Variants in MYBL1 observed in about 807,000 individuals in gnomAD.
MYBL1 encodes the protein MYB proto-oncogene like 1.
In MYBL1, 17 loss-of-function variants were observed where a neutral mutation model predicts 96.3. The ratio of observed to expected loss-of-function variants is 0.18; its 90% confidence interval spans 0.12 to 0.26. The LOEUF (loss-of-function observed/expected upper bound fraction) is 0.26, where lower values mean the gene tolerates loss of function less well. MYBL1 is among the 10% of genes least tolerant of loss of function. The pLI is 1.00. For synonymous variants in MYBL1, 282 were observed against 292.7 expected (o/e 0.96, Z 0.37); for missense variants, 701 against 882.9 (o/e 0.79, Z 2.61).
chr8:66,574,803 C>G (rs572419120), intron 10 of MYBL1, among the ~76,000 whole-genome samples: 2 of 152,218 alleles, frequency 1.3e-5, no homozygotes, highest in Non-Finnish European at 2.9e-5. Flanking sequence ...GCCTGTAATC[C>G]CAGCACTTTG....
chr8:66,611,645 C>T (rs560782020), intron 1 of MYBL1, among the ~76,000 whole-genome samples: 2 of 152,338 alleles, frequency 1.3e-5, no homozygotes, highest in South Asian at 4.1e-4. Context: ...TCTGTGTACA[C>T]ATTTATTTCA....
At position 66,582,928 on chromosome 8, in the gene MYBL1, G is replaced by C. The variant is rs564202791; in HGVS notation, c.868-2562C>G. Among the ~76,000 whole-genome samples the C allele has an allele frequency of 2.0e-5, 3 of 152,154 alleles. No individual in the cohort carries two copies. In the East Asian group the frequency reaches 5.8e-4, roughly 29 times the overall value. ...ACTTCAACACCCCATTCTCAGCAAT[G>C]AAAGATCATCTAGACAGAAAAATCA... On this transcript the variant is annotated intron_variant, in intron 8 of 15. Transcript: ENST00000522677.
At chr8:66,590,032 C>T (rs1809575754) in intron 8 of MYBL1, among the ~76,000 whole-genome samples, 1 of 152,082 alleles carries the variant, frequency 6.6e-6, no homozygotes, top group Admixed American at 6.5e-5. Context: ...CATGATCGTA[C>T]CACTGCACTC....
intron 9 of MYBL1, among the ~76,000 whole-genome samples, chr8:66,578,483 C>A (rs1367960224): frequency 6.6e-6 from 1 of 152,154 alleles, no homozygotes; most frequent in Non-Finnish European, 1.5e-5. Flanking sequence ...TGAAAAAATG[C>A]TCATCATCAC....
intron 6 of MYBL1, among the ~76,000 whole-genome samples, chr8:66,594,201 G>A (rs1459161480): frequency 6.6e-6 from 1 of 151,766 alleles, no homozygotes; most frequent in African/African-American, 2.4e-5. Flanking sequence ...TTCCGTAATG[G>A]TCTACCTAAA....
intron 11 of MYBL1, 46 bp downstream of exon 11, chr8:66,573,318 C>T (rs752613963): frequency 1.3e-6 from 2 of 1,530,178 alleles, no homozygotes; most frequent in Admixed American, 2.0e-5. Flanking sequence ...TACTTTAACA[C>T]TGTGCTCCCC....
intron 10 of MYBL1, among the ~76,000 whole-genome samples, chr8:66,574,911 G>A (rs946814960): frequency 5.9e-5 from 9 of 152,148 alleles, no homozygotes; most frequent in Non-Finnish European, 7.3e-5. Context: ...AAAATTAGCC[G>A]GGCGTGGTGG....
chr8:66,607,804 T>C (rs531936023), intron 1 of MYBL1, among the ~76,000 whole-genome samples: 21 of 152,250 alleles, frequency 1.4e-4, no homozygotes, highest in African/African-American at 4.6e-4. Context: ...TGAAGGTATC[T>C]ACTGTACTGT....
intron 9 of MYBL1, among the ~76,000 whole-genome samples, chr8:66,577,815 C>T (rs986096095): frequency 3.3e-5 from 5 of 152,182 alleles, no homozygotes; most frequent in Non-Finnish European, 7.3e-5. Context: ...ATCATGCTAC[C>T]TGATTTCAAA....
At chr8:66,577,958 T>A (rs1033183217) in intron 9 of MYBL1, among the ~76,000 whole-genome samples, 17 of 152,222 alleles carry the variant, frequency 1.1e-4, no homozygotes, top group African/African-American at 4.1e-4. Context: ...TTGACAAACA[T>A]GAGAAAAACA....
At chr8:66,572,387 C>A (rs1182714324) in intron 12 of MYBL1, 95 bp downstream of exon 12, 1 of 585,432 alleles carries the variant, frequency 1.7e-6, no homozygotes, top group East Asian at 3.0e-5. Context: ...CAGTAAATAT[C>A]TTTTTTTAAA....
At chr8:66,566,282 A>G in intron 14 of MYBL1, 39 bp from the exon 15 acceptor site, 1 of 1,274,254 alleles carries the variant, frequency 7.8e-7, no homozygotes, top group Non-Finnish European at 1.1e-6. Flanking sequence ...AACTAATTCA[A>G]AAATGGAGAC....
At position 66,570,562 on chromosome 8, in the gene MYBL1, T is replaced by A. The variant is rs751385114; in HGVS notation, c.1728+1920A>T. 4.1e-4 allele frequency among the ~76,000 whole-genome samples: 63 copies of A among 152,216 alleles called. 2 individuals are homozygous for A. The highest frequency in any genetic ancestry group is 8.8e-4 in the Non-Finnish European group (60 of 68,040). The stretch of plus-strand genomic sequence containing the variant: ...CATTGTTTACTTGTCTAATCCCCAA[T>A]TAGTCTACATGACCCTATGAAGGCA... On this transcript the variant is annotated intron_variant, in intron 12 of 15. Coordinates refer to ENST00000522677, the MANE Select transcript of MYBL1 (RefSeq NM_001080416.4).
rs748006580 is a variant in MYBL1, at chr8:66,566,114, TC to T, written c.2079del (p.Lys694AsnfsTer36). ...STNKTYTLTK[K>X]KPNPNTSKVV... ...ACTTTGGAAGTGTTAGGGTTTGGTT[TC>T]TTTTTAGTAAGTGTATATGTTTTGT... is the stretch of plus-strand genomic sequence containing the variant. On this transcript the variant is annotated frameshift_variant, in exon 15 of 16. Transcript: ENST00000522677. LOFTEE classifies it high-confidence loss of function. 3 of 1,544,960 alleles carry T rather than the reference TC, an allele frequency of 1.9e-6. No homozygotes were observed. Among genetic ancestry groups the T allele is most frequent in the Non-Finnish European group, 2.6e-6 (3 of 1,141,912 alleles).
At chr8:66,567,342 T>G (rs1368599414) in intron 12 of MYBL1, among the ~76,000 whole-genome samples, 1 of 152,176 alleles carries the variant, frequency 6.6e-6, no homozygotes, top group African/African-American at 2.4e-5. Flanking sequence ...TAGAACATAT[T>G]GGGAATACAC....
chr8:66,606,394 C>T (rs567100673), intron 1 of MYBL1, among the ~76,000 whole-genome samples: 9 of 152,302 alleles, frequency 5.9e-5, no homozygotes, highest in African/African-American at 1.9e-4. Flanking sequence ...TTTTGCCTTA[C>T]TAGATTCAAC....
chr8:66,576,051 G>A lies in MYBL1; in HGVS notation c.1426C>T (p.Leu476=). ...GSLNDGGNMA[L]KHTPLKTLPF... ...AGTGTTTTCAGTGGTGTATGTTTTA[G>A]CGCCATATTACCACCATCGTTCAAT... The change falls in exon 10 of 16, where the codon CTA becomes TTA. Residue 476 remains leucine, a synonymous_variant. Coordinates refer to ENST00000522677, the MANE Select transcript of MYBL1 (RefSeq NM_001080416.4). 1 of 1,613,952 alleles carries A rather than the reference G, an allele frequency of 6.2e-7. No individual in the cohort carries two copies. The highest frequency in any genetic ancestry group is 8.5e-7 in the Non-Finnish European group (1 of 1,179,868).
At chr8:66,597,282 A>C in intron 5 of MYBL1, 48 bp downstream of exon 5, 1 of 1,309,374 alleles carries the variant, frequency 7.6e-7, no homozygotes. Context: ...TAAGGTAATA[A>C]AGGTCATGTT....
chr8:66,594,970 A>G (rs1401426406), intron 6 of MYBL1, among the ~76,000 whole-genome samples: 4 of 152,198 alleles, frequency 2.6e-5, no homozygotes, highest in African/African-American at 9.6e-5. Flanking sequence ...AGGGAAATGT[A>G]AAACAAATCT....
Sources: allele counts gnomAD v4.1 joint callset (sites outside exome capture counted in the v4.1 genomes callset), GRCh38; gene constraint gnomAD v4.1.1; transcripts MANE v1.5; gene names NCBI Gene and HGNC (gene_info 2026-07-23, HGNC 2026-07-21).